The following MMP16 variants were observed in gnomAD, a reference collection of about 807,000 sequenced individuals.
MMP16 encodes the protein matrix metalloproteinase-16.
MMP16 carries 12 observed loss-of-function variants against 67.8 expected under a neutral mutation model. That is an observed-to-expected ratio of 0.18 (90% CI 0.11 to 0.29). The LOEUF is 0.29. MMP16 is among the 10% of genes least tolerant of loss of function. The probability of loss-of-function intolerance (pLI) is 1.00; values close to 1 mark genes in which losing one functional copy is unlikely to be tolerated. For missense variants in MMP16, 475 were observed against 765.7 expected (o/e 0.62, Z 4.48); for synonymous variants, 249 against 255.9 (o/e 0.97, Z 0.26).
intron 1 of MMP16, among the ~76,000 whole-genome samples, chr8:88,303,038 G>A (rs969448850): frequency 2.0e-5 from 3 of 152,272 alleles, no homozygotes; most frequent in East Asian, 1.9e-4. Context: ...GTGAGCCCAC[G>A]CCACCAGGGC....
chr8:88,085,140 TA>T (rs1452513780), intron 6 of MMP16, among the ~76,000 whole-genome samples: 5 of 152,028 alleles, frequency 3.3e-5, no homozygotes, highest in Non-Finnish European at 7.4e-5. Flanking sequence ...CAGATAATTG[TA>T]AAAGGTACTG....
chr8:88,282,864 TG>T (rs1314723604), intron 1 of MMP16, among the ~76,000 whole-genome samples: 5 of 152,312 alleles, frequency 3.3e-5, no homozygotes, highest in Admixed American at 6.5e-5. Flanking sequence ...TAAAACAACA[TG>T]TGTTTCACTT....
intron 4 of MMP16, among the ~76,000 whole-genome samples, chr8:88,164,944 T>C (rs1808687264): frequency 6.6e-6 from 1 of 151,732 alleles, no homozygotes; most frequent in South Asian, 2.1e-4. Context: ...ACAAAACACA[T>C]AAGCATTCTA....
At chr8:88,186,728 ATAAAG>A (rs757827417) in intron 2 of MMP16, 130 bp from the exon 3 acceptor site, 4 of 1,264,044 alleles carry the variant, frequency 3.2e-6, no homozygotes, top group South Asian at 1.6e-5. Context: ...ATGGCAAAAT[ATAAAG>A]TAAAGGGAAC....
At chr8:88,150,906 A>G (rs1157220127) in intron 4 of MMP16, among the ~76,000 whole-genome samples, 3 of 139,654 alleles carry the variant, frequency 2.1e-5, no homozygotes, top group African/African-American at 8.0e-5. Flanking sequence ...CAATTAAAAG[A>G]CACAGACTGG....
At chr8:88,073,718 T>C (rs1808600752) in intron 7 of MMP16, among the ~76,000 whole-genome samples, 1 of 152,304 alleles carries the variant, frequency 6.6e-6, no homozygotes, top group Non-Finnish European at 1.5e-5. Context: ...GTAAGCACCA[T>C]AGCATTATTT....
At chr8:88,315,843 G>A (rs1811368283) in intron 1 of MMP16, among the ~76,000 whole-genome samples, 1 of 152,182 alleles carries the variant, frequency 6.6e-6, no homozygotes, top group African/African-American at 2.4e-5. Flanking sequence ...TAGGCCAAGA[G>A]CTAGGCCTCC....
At chr8:88,215,964 G>A (rs1476239950) in intron 1 of MMP16, among the ~76,000 whole-genome samples, 1 of 152,104 alleles carries the variant, frequency 6.6e-6, no homozygotes, top group African/African-American at 2.4e-5. Flanking sequence ...ATCAGATAAT[G>A]ACCATGCATG....
chr8:88,211,293 C>G (rs1354656461), intron 1 of MMP16, among the ~76,000 whole-genome samples: 1 of 152,138 alleles, frequency 6.6e-6, no homozygotes, highest in Non-Finnish European at 1.5e-5. Flanking sequence ...TAGAGGTAGA[C>G]AGCCACAAGG....
At chr8:88,062,259 A>G (rs1012970029) in intron 7 of MMP16, among the ~76,000 whole-genome samples, 2 of 152,094 alleles carry the variant, frequency 1.3e-5, no homozygotes, top group Non-Finnish European at 2.9e-5. Context: ...CGATTCCTCA[A>G]GGATCTAGAA....
intron 8 of MMP16, among the ~76,000 whole-genome samples, chr8:88,054,695 G>A (rs888697282): frequency 5.3e-5 from 8 of 152,106 alleles, no homozygotes; most frequent in African/African-American, 1.9e-4. Context: ...TTAGTAAAAG[G>A]ATAAATTTAA....
chr8:88,323,883 T>C (rs533227466), intron 1 of MMP16, among the ~76,000 whole-genome samples: 3 of 152,246 alleles, frequency 2.0e-5, no homozygotes, highest in African/African-American at 7.2e-5. Flanking sequence ...TAATTATTTG[T>C]TAATAATTTA....
chr8:88,204,908 G>A (rs1408876299), intron 1 of MMP16, among the ~76,000 whole-genome samples: 2 of 152,020 alleles, frequency 1.3e-5, no homozygotes, highest in African/African-American at 2.4e-5. Context: ...GAAGCTGCCC[G>A]TATCCTACAG....
At chr8:88,127,403 G>A (rs1807953304) in intron 4 of MMP16, among the ~76,000 whole-genome samples, 2 of 151,862 alleles carry the variant, frequency 1.3e-5, no homozygotes, top group East Asian at 1.9e-4. Flanking sequence ...GGTGATGAGG[G>A]CTAAGGTAGT....
chr8:88,208,447 T>C (rs1242678226), intron 1 of MMP16, among the ~76,000 whole-genome samples: 1 of 152,232 alleles, frequency 6.6e-6, no homozygotes, highest in Non-Finnish European at 1.5e-5. Context: ...TTTAAAGTTC[T>C]TCTTATATTA....
intron 3 of MMP16, among the ~76,000 whole-genome samples, chr8:88,174,744 T>C (rs1315595251): frequency 6.6e-6 from 1 of 151,550 alleles, no homozygotes; most frequent in Non-Finnish European, 1.5e-5. Context: ...CCAGCTCCCT[T>C]ACATTTTGAC....
At chr8:88,123,243 T>G (rs953567844) in intron 4 of MMP16, among the ~76,000 whole-genome samples, 1 of 151,964 alleles carries the variant, frequency 6.6e-6, no homozygotes, top group Non-Finnish European at 1.5e-5. Context: ...CTTTGAAGCA[T>G]GTGAGTGTTT....
intron 8 of MMP16, among the ~76,000 whole-genome samples, chr8:88,049,635 C>T (rs1261189475): frequency 2.0e-5 from 3 of 152,168 alleles, no homozygotes; most frequent in East Asian, 1.9e-4. Context: ...GGTTTCCTCT[C>T]ATAATAGAAT....
At chr8:88,153,732 T>G (rs372704626) in intron 4 of MMP16, among the ~76,000 whole-genome samples, 1 of 147,696 alleles carries the variant, frequency 6.8e-6, no homozygotes, top group Admixed American at 6.8e-5. Flanking sequence ...GGATTAAAGA[T>G]TTAAACGTTA....
Sources: allele counts gnomAD v4.1 joint callset (sites outside exome capture counted in the v4.1 genomes callset), GRCh38; gene constraint gnomAD v4.1.1; transcripts MANE v1.5; gene names NCBI Gene and HGNC (gene_info 2026-07-23, HGNC 2026-07-21).